Variants in RNF149 observed in about 807,000 individuals in gnomAD.
RNF149 encodes the protein ring finger protein 149.
In RNF149, 21 loss-of-function variants were observed where a neutral mutation model predicts 39.0. The ratio of observed to expected loss-of-function variants is 0.54; its 90% confidence interval spans 0.38 to 0.77. The LOEUF is 0.77. RNF149 is among the 30% of genes least tolerant of loss of function. RNF149 has a pLI of 0.00. For synonymous variants in RNF149, 209 were observed against 213.6 expected (o/e 0.98, Z 0.19); for missense variants, 493 against 534.9 (o/e 0.92, Z 0.77).
At chr2:101,284,145 A>G (rs994441029) in intron 5 of RNF149, among the ~76,000 whole-genome samples, 1 of 152,246 alleles carries the variant, frequency 6.6e-6, no homozygotes, top group South Asian at 2.1e-4. Context: ...AAAACCATGA[A>G]TATGTGAAGA....
chr2:101,302,839 G>A (rs940533687), intron 1 of RNF149, among the ~76,000 whole-genome samples: 5 of 152,084 alleles, frequency 3.3e-5, no homozygotes, highest in Non-Finnish European at 5.9e-5. Context: ...AATTAGCCAG[G>A]TGTGGCAGCA....
At chr2:101,277,743 T>C (rs903679180) in intron 6 of RNF149, among the ~76,000 whole-genome samples, 1 of 152,184 alleles carries the variant, frequency 6.6e-6, no homozygotes, top group Non-Finnish European at 1.5e-5. Flanking sequence ...ATTCCACTGA[T>C]AGCCAACAAG....
downstream of RNF149, among the ~76,000 whole-genome samples, chr2:101,275,111 G>GTTTTTTTTT (rs1165388203): frequency 1.7e-3 from 86 of 51,044 alleles, no homozygotes; most frequent in East Asian, 2.5e-3. Context: ...TAGTATTTCT[G>GTTTTTTTTT]TTTTTTTTTT....
chr2:101,281,492 T>TC (rs1407846352), intron 6 of RNF149: 2 of 139,770 alleles, frequency 1.4e-5, no homozygotes, highest in Non-Finnish European at 3.2e-5. Flanking sequence ...AAAATTCCTT[T>TC]TTTTTTTTTT....
intron 5 of RNF149, 106 bp downstream of exon 5, chr2:101,285,975 T>A (rs1682777714): frequency 1.5e-6 from 1 of 663,100 alleles, no homozygotes. Flanking sequence ...ACTACAAGGA[T>A]ATTAGGAGCA....
At chr2:101,304,684 C>G (rs1273599384) in intron 1 of RNF149, among the ~76,000 whole-genome samples, 1 of 151,810 alleles carries the variant, frequency 6.6e-6, no homozygotes, top group Non-Finnish European at 1.5e-5. Context: ...GTTGTTCAGA[C>G]AAAAAAATTC....
intron 2 of RNF149, chr2:101,294,535 C>T (rs1273932360): frequency 4.9e-6 from 1 of 202,488 alleles, no homozygotes; most frequent in Non-Finnish European, 1.0e-5. Flanking sequence ...TAAGTGGACG[C>T]TCAAAAGGCC....
chr2:101,275,567 A>G (rs1287929609), downstream of RNF149, among the ~76,000 whole-genome samples: 10 of 132,010 alleles, frequency 7.6e-5, no homozygotes, highest in African/African-American at 2.9e-4. Context: ...TCAGCCTCCC[A>G]AGTAGCTGGG....
At position 101,277,233 on chromosome 2, in the gene RNF149, G is replaced by A. The variant is rs1682378513; in HGVS notation, c.*5C>T. The A allele has an allele frequency of 4.3e-6, 7 of 1,613,434 alleles. No homozygotes were observed. The highest frequency in any genetic ancestry group is 3.3e-4 in the Middle Eastern group (2 of 6,058). On this transcript the variant is annotated 3_prime_UTR_variant, in exon 7 of 7. Coordinates refer to ENST00000295317, the MANE Select transcript of RNF149 (RefSeq NM_173647.4). ...CTGTTGGTGCCACTTCAGTGGGCACGTGTGCTAGGAGATGGGTCCTCCATG... is the reference window on the plus strand; with the variant it reads ...CTGTTGGTGCCACTTCAGTGGGCACATGTGCTAGGAGATGGGTCCTCCATG...
chr2:101,297,289 T>C (rs974894574), intron 1 of RNF149, among the ~76,000 whole-genome samples: 4 of 152,100 alleles, frequency 2.6e-5, no homozygotes, highest in Non-Finnish European at 4.4e-5. Flanking sequence ...TAATTTCCTA[T>C]AAGAGTAATA....
At chr2:101,275,114 T>TG (rs1224058362), downstream of RNF149, among the ~76,000 whole-genome samples, 17 of 116,816 alleles carry the variant, frequency 1.5e-4, no homozygotes, top group Non-Finnish European at 2.9e-4. Flanking sequence ...TATTTCTGTT[T>TG]TTTTTTTTTT....
intron 6 of RNF149, among the ~76,000 whole-genome samples, chr2:101,277,733 A>G (rs191320000): frequency 1.3e-5 from 2 of 152,302 alleles, no homozygotes; most frequent in East Asian, 3.9e-4. Context: ...CTGATAACCC[A>G]TTCCACTGAT....
Position 101,275,872 on chromosome 2 carries a change from T to C in RNF149, c.*1366A>G, listed in dbSNP as rs1573214487. The C allele has an allele frequency of 5.1e-6, 5 of 985,208 alleles. No individual in the cohort carries two copies. In the South Asian group the frequency reaches 2.4e-4, roughly 46 times the overall value. 61.0% of individuals were successfully genotyped at this position (985,208 alleles called of 1,614,324 possible). ...GGCTGTTATGGAAACCTACTTGAGG[T>C]TGTCTGCTAAAACCAACTCAGTGTG... On this transcript the variant is annotated 3_prime_UTR_variant, in exon 7 of 7. Coordinates refer to ENST00000295317, the MANE Select transcript of RNF149 (RefSeq NM_173647.4).
chr2:101,307,583 T>C (rs1227533001), intron 1 of RNF149, among the ~76,000 whole-genome samples: 1 of 152,102 alleles, frequency 6.6e-6, no homozygotes, highest in Non-Finnish European at 1.5e-5. Flanking sequence ...ACCCTAAATT[T>C]AGCAAGTCAG....
At chr2:101,287,236 C>T (rs1232839305) in intron 4 of RNF149, among the ~76,000 whole-genome samples, 2 of 152,052 alleles carry the variant, frequency 1.3e-5, no homozygotes, top group Admixed American at 6.6e-5. Context: ...GCAGGAGAAT[C>T]GCTTGAACCC....
chr2:101,289,525 T>C (rs1250250970), intron 3 of RNF149, among the ~76,000 whole-genome samples: 9 of 151,802 alleles, frequency 5.9e-5, no homozygotes. Context: ...GCCAACATGG[T>C]GAAACCTCAT....
Position 101,276,501 on chromosome 2 carries a change from T to C in RNF149, c.*737A>G. 3.0e-6 allele frequency: 3 copies of C among 985,850 alleles called. No individual in the cohort carries two copies. Among genetic ancestry groups the C allele is most frequent in the Non-Finnish European group, 3.6e-6 (3 of 829,876 alleles). 61.1% of individuals were successfully genotyped at this position (985,850 alleles called of 1,614,324 possible). ...CAGATTCTGAGTCTGCCTACTCATT[T>C]TCCTTAACAAGGCAATGAAGAACTT... On this transcript the variant is annotated 3_prime_UTR_variant, in exon 7 of 7. Transcript: ENST00000295317.
At chr2:101,302,608 C>T (rs1018117941) in intron 1 of RNF149, among the ~76,000 whole-genome samples, 11 of 152,118 alleles carry the variant, frequency 7.2e-5, no homozygotes, top group Admixed American at 6.5e-5. Context: ...AGACCTTCTG[C>T]CACTCAGAAT....
chr2:101,282,735 T>C (rs565481614), intron 5 of RNF149, among the ~76,000 whole-genome samples: 2 of 152,154 alleles, frequency 1.3e-5, no homozygotes, highest in Non-Finnish European at 2.9e-5. Flanking sequence ...AAGTGACTTA[T>C]TAGATGAGGG....
Sources: allele counts gnomAD v4.1 joint callset (sites outside exome capture counted in the v4.1 genomes callset), GRCh38; gene constraint gnomAD v4.1.1; transcripts MANE v1.5; gene names NCBI Gene and HGNC (gene_info 2026-07-23, HGNC 2026-07-21).